The following STOX2 variants were observed in gnomAD, a reference collection of about 807,000 sequenced individuals.
STOX2 encodes storkhead box 2.
Under a neutral mutation model 60.9 loss-of-function variants are expected in STOX2, and 28 were observed. The ratio of observed to expected loss-of-function variants is 0.46; its 90% confidence interval spans 0.34 to 0.63. STOX2 has a LOEUF of 0.63. STOX2 is among the 30% of genes least tolerant of loss of function. The pLI, the probability that STOX2 is intolerant of heterozygous loss-of-function variation, is 0.01. For synonymous variants in STOX2, 472 were observed against 463.9 expected (o/e 1.02, Z -0.22); for missense variants, 1,024 against 1,187.7 (o/e 0.86, Z 2.03).
intron 1 of STOX2, among the ~76,000 whole-genome samples, chr4:183,879,292 T>C (rs1474258071): frequency 6.6e-6 from 1 of 152,182 alleles, no homozygotes; most frequent in East Asian, 1.9e-4. Flanking sequence ...ACACATCCCT[T>C]GTACGCCTTT....
chr4:183,912,666 C>T (rs997301285), intron 1 of STOX2, among the ~76,000 whole-genome samples: 5 of 152,280 alleles, frequency 3.3e-5, no homozygotes, highest in South Asian at 4.1e-4. Flanking sequence ...TGCCACATCA[C>T]GAGTTTACAA....
chr4:184,005,474 A>AAC (rs1553987294), intron 2 of STOX2, among the ~76,000 whole-genome samples: 9 of 120,072 alleles, frequency 7.5e-5, no homozygotes, highest in Non-Finnish European at 1.2e-4. Context: ...AAAAAAAAAA[A>AAC]AATTCATAGG....
At chr4:183,929,667 G>A (rs1742353129) in intron 1 of STOX2, among the ~76,000 whole-genome samples, 1 of 152,052 alleles carries the variant, frequency 6.6e-6, no homozygotes, top group Non-Finnish European at 1.5e-5. Context: ...CTCTCACTTC[G>A]CGCTGCCATT....
chr4:184,001,390 C>G lies in STOX2; in HGVS notation c.232C>G (p.Leu78Val). 6.2e-7 allele frequency: 1 copy of G among 1,613,796 alleles called. No homozygotes were observed. Among genetic ancestry groups the G allele is most frequent in the South Asian group, 1.1e-5 (1 of 91,062 alleles). ...TCAGTTTATTCCACTCGGGGAGATC[C>G]TCTGCTTGGCCATCTCAGCAATGAA... ...QSQFIPLGEI[L>V]CLAISAMNSA... Residue 78 changes from leucine to valine, a missense_variant, in exon 2 of 4, where the codon CTC (leucine) becomes GTC (valine). By Grantham distance (32) the Leu-to-Val change is conservative. Transcript: ENST00000308497. This position sits in a 1 kb window ranked among gnomAD's most constrained non-coding sequence, Gnocchi z 4.2.
intron 1 of STOX2, among the ~76,000 whole-genome samples, chr4:183,837,038 A>G (rs1739728273): frequency 6.6e-6 from 1 of 152,150 alleles, no homozygotes; most frequent in Non-Finnish European, 1.5e-5. Context: ...GCACTGTACA[A>G]GAGTGGGGAT....
intron 1 of STOX2, among the ~76,000 whole-genome samples, chr4:183,970,638 C>G (rs1743716303): frequency 6.6e-6 from 1 of 152,224 alleles, no homozygotes; most frequent in East Asian, 1.9e-4. Flanking sequence ...CTAGAGGCAT[C>G]TCCATGGAGC....
At chr4:183,846,874 C>T (rs1740002716) in intron 1 of STOX2, among the ~76,000 whole-genome samples, 1 of 151,770 alleles carries the variant, frequency 6.6e-6, no homozygotes, top group South Asian at 2.1e-4. Context: ...AATGTGATAA[C>T]TCGGGTAGTC....
intron 1 of STOX2, among the ~76,000 whole-genome samples, chr4:183,896,515 A>T (rs1449670314): frequency 6.6e-6 from 1 of 152,038 alleles, no homozygotes; most frequent in East Asian, 1.9e-4. Flanking sequence ...ATAATTTTTT[A>T]ATTTTTCATA....
intron 2 of STOX2, among the ~76,000 whole-genome samples, chr4:184,004,496 AGGCTGAGGCAGGAGAAT>A: frequency 6.6e-6 from 1 of 152,264 alleles, no homozygotes; most frequent in Middle Eastern, 3.4e-3. Context: ...GCTACTCGGG[AGGCTGAGGCAGGAGAAT>A]GGCGTGAACC....
chr4:183,932,148 C>T (rs982459275), intron 1 of STOX2, among the ~76,000 whole-genome samples: 1 of 151,858 alleles, frequency 6.6e-6, no homozygotes, highest in African/African-American at 2.4e-5. Context: ...CAAGGTGATA[C>T]CCAGTTTCTG....
intron 1 of STOX2, among the ~76,000 whole-genome samples, chr4:183,989,459 C>T (rs1434094456): frequency 6.6e-6 from 1 of 152,158 alleles, no homozygotes; most frequent in African/African-American, 2.4e-5. Context: ...GCCTTGGCCT[C>T]CCAAAGTGCT....
At position 184,011,780 on chromosome 4, in the gene STOX2, G is replaced by T; in HGVS notation, c.2585+357G>T. 1 of 436,584 alleles carries T rather than the reference G, an allele frequency of 2.3e-6. No homozygotes were observed. The highest frequency in any genetic ancestry group is 3.9e-6 in the Non-Finnish European group (1 of 258,354). The allele number at this position is 436,584 out of a possible 1,614,324, so 27.0% of individuals were successfully genotyped here. On this transcript the variant is annotated intron_variant, in intron 3 of 3. Coordinates refer to ENST00000308497, the MANE Select transcript of STOX2 (RefSeq NM_020225.3). The surrounding 1 kb of genome is among the most constrained non-coding windows in gnomAD (Gnocchi z 4.4). ...TCCTTCAAAAATAGTAACTTTTTGA[G>T]TAGAATAAATAGTCTGGGGGCGGGG...
rs1734651968 is a variant in STOX2 at position 184,023,068 on chromosome 4, G to C, written c.*5784G>C. The C allele has an allele frequency of 6.6e-6, 1 of 152,198 alleles. No homozygotes were observed. The highest frequency in any genetic ancestry group is 1.5e-5 in the Non-Finnish European group (1 of 68,042). The allele number at this position is 152,198 out of a possible 1,614,324, so 9.4% of individuals were successfully genotyped here. On this transcript the variant is annotated 3_prime_UTR_variant, in exon 4 of 4. Coordinates refer to ENST00000308497, the MANE Select transcript of STOX2 (RefSeq NM_020225.3). ...ATGTGACTATTGCATTAGGGTAAAT[G>C]AATTAAGACGTGCAAGTGGGATTTA...
At chr4:183,961,300 A>G (rs1331996916) in intron 1 of STOX2, among the ~76,000 whole-genome samples, 2 of 152,236 alleles carry the variant, frequency 1.3e-5, no homozygotes, top group Non-Finnish European at 2.9e-5. Context: ...ATAAAAATTT[A>G]TAAGCCTTTA....
At position 183,906,039 on chromosome 4, in the gene STOX2, C is replaced by G. The variant is rs1311097420; in HGVS notation, c.-752C>G. 6.6e-6 allele frequency: 1 copy of G among 152,204 alleles called. No individual in the cohort carries two copies. The highest frequency in any genetic ancestry group is 6.5e-5 in the Admixed American group (1 of 15,290). The allele number at this position is 152,204 out of a possible 1,614,324, so 9.4% of individuals were successfully genotyped here. A position where few individuals can be genotyped will look rare whatever the true frequency, so the allele number is the denominator to read the frequency against. The stretch of plus-strand genomic sequence containing the variant: ...GCTGCAGTCGCGGGGACGACGCGGG[C>G]TCTTCCTGGATTCCGCAGGAGCCCG... On this transcript the variant is annotated 5_prime_UTR_variant, in exon 1 of 4. Transcript: ENST00000308497.
chr4:183,986,487 C>A (rs1022558889), intron 1 of STOX2, among the ~76,000 whole-genome samples: 1 of 152,196 alleles, frequency 6.6e-6, no homozygotes, highest in African/African-American at 2.4e-5. Flanking sequence ...ATGTGAAAAG[C>A]GTTAGGTGGT....
At chr4:183,851,008 GA>G in intron 1 of STOX2, among the ~76,000 whole-genome samples, 1 of 148,710 alleles carries the variant, frequency 6.7e-6, no homozygotes, top group African/African-American at 2.5e-5. Flanking sequence ...GAAAGGATGA[GA>G]GAAAGGATGA....
intron 1 of STOX2, among the ~76,000 whole-genome samples, chr4:183,928,977 G>A (rs182820706): frequency 1.1e-3 from 165 of 152,328 alleles, no homozygotes; most frequent in Non-Finnish European, 2.0e-3. Flanking sequence ...TGGATAAAGT[G>A]TGAAATACTT....
intron 1 of STOX2, among the ~76,000 whole-genome samples, chr4:183,965,960 G>A (rs916505322): frequency 6.6e-6 from 1 of 152,074 alleles, no homozygotes; most frequent in Admixed American, 6.5e-5. Flanking sequence ...ACAAGAAGGG[G>A]CAGGATTTAT....
Sources: allele counts gnomAD v4.1 joint callset (sites outside exome capture counted in the v4.1 genomes callset), GRCh38; gene constraint gnomAD v4.1.1; non-coding constraint Gnocchi (gnomAD v3.1); transcripts MANE v1.5; gene names NCBI Gene and HGNC (gene_info 2026-07-23, HGNC 2026-07-21).